Variants in SMARCAL1 observed in about 807,000 individuals in gnomAD.
SMARCAL1 encodes the protein SNF2 related chromatin remodeling annealing helicase 1.
Under a neutral mutation model 94.5 loss-of-function variants are expected in SMARCAL1, and 58 were observed. The ratio of observed to expected loss-of-function variants is 0.61; its 90% CI spans 0.50 to 0.76. SMARCAL1 has a LOEUF of 0.76. SMARCAL1 is among the 30% of genes least tolerant of loss of function. The probability of loss-of-function intolerance (pLI) is 0.00; values close to 1 mark genes in which losing one functional copy is unlikely to be tolerated. For synonymous variants in SMARCAL1, 422 were observed against 455.1 expected, an observed-to-expected ratio of 0.93 and a Z score of 0.93; for missense variants, 1,051 against 1,177.9, an observed-to-expected ratio of 0.89 and a Z score of 1.58.
chr2:216,478,124 C>T lies in SMARCAL1; in HGVS notation c.2529-79C>T. ...TAAACAAGCCGTTGTCCCATAAGAA[C>T]AAGGAGGGTGGCCTCATTTTCATTA... is the stretch of plus-strand genomic sequence containing the variant. On this transcript the variant is annotated intron_variant, in intron 16 of 17. Transcript: ENST00000357276. 6 of 1,105,870 alleles carry T rather than the reference C, an allele frequency of 5.4e-6. No homozygotes were observed. In the East Asian group the frequency reaches 1.4e-4, roughly 26 times the overall value. The allele number at this position is 1,105,870 out of a possible 1,614,324, so 68.5% of individuals were successfully genotyped here.
chr2:216,426,044 T>C (rs1693826296), intron 6 of SMARCAL1, among the ~76,000 whole-genome samples: 1 of 152,222 alleles, frequency 6.6e-6, no homozygotes, highest in African/African-American at 2.4e-5. Context: ...GTATTTTTAG[T>C]AGAGATGGGG....
chr2:216,424,923 A>T (rs1559124083), intron 6 of SMARCAL1, among the ~76,000 whole-genome samples: 1 of 151,650 alleles, frequency 6.6e-6, no homozygotes, highest in African/African-American at 2.4e-5. Context: ...CAAAATCTGA[A>T]TTTTTTTTTC....
intron 5 of SMARCAL1, among the ~76,000 whole-genome samples, chr2:216,421,939 A>T (rs898165587): frequency 6.6e-6 from 1 of 152,132 alleles, no homozygotes; most frequent in African/African-American, 2.4e-5. Context: ...AGATGGATGC[A>T]GTTTGGACTG....
Position 216,439,937 on chromosome 2 carries a change from C to T in SMARCAL1, c.1710+1452C>T, listed in dbSNP as rs191188489. Among the ~76,000 whole-genome samples the T allele has an allele frequency of 3.3e-5, 5 of 151,710 alleles. No individual in the cohort carries two copies. The East Asian group carries it at 9.7e-4, about 30-fold the overall frequency. ...ATGAGCCAGGCATGGTGGTGCACAC[C>T]AAGCTGAGGCAGGAGAATCGCTTGA... On this transcript the variant is annotated intron_variant, in intron 10 of 17. Coordinates refer to ENST00000357276, the MANE Select transcript of SMARCAL1 (RefSeq NM_014140.4).
At chr2:216,469,275 ATTTC>A (rs1291193601) in intron 14 of SMARCAL1, among the ~76,000 whole-genome samples, 2 of 131,476 alleles carry the variant, frequency 1.5e-5, no homozygotes, top group African/African-American at 5.7e-5. Context: ...TGTTTTAGAG[ATTTC>A]TTTTTTTTTT....
At chr2:216,448,698 G>A (rs570654548) in intron 11 of SMARCAL1, among the ~76,000 whole-genome samples, 14 of 152,126 alleles carry the variant, frequency 9.2e-5, no homozygotes, top group Admixed American at 1.3e-4. Context: ...CGCATGCAGC[G>A]GTACACACAT....
chr2:216,459,981 AT>A (rs1335926144), intron 12 of SMARCAL1, among the ~76,000 whole-genome samples: 1 of 152,192 alleles, frequency 6.6e-6, no homozygotes, highest in Non-Finnish European at 1.5e-5. Flanking sequence ...ACTCAAACAA[AT>A]TTGCAAGAAA....
chr2:216,431,362 A>G (rs142526242), intron 7 of SMARCAL1, among the ~76,000 whole-genome samples: 102 of 152,302 alleles, frequency 6.7e-4, no homozygotes, highest in African/African-American at 2.3e-3. Context: ...CAAATGATCT[A>G]TTTTTCAGAG....
rs927348044 is a variant in SMARCAL1 at position 216,415,929 on chromosome 2, A to G, written c.812-328A>G. The G allele has an allele frequency of 9.2e-5, 38 of 411,526 alleles. No homozygotes were observed. The Admixed American group carries it at 1.0e-3, about 11-fold the overall frequency. The allele number at this position is 411,526 out of a possible 1,614,324, so 25.5% of individuals were successfully genotyped here. A position where few individuals can be genotyped will look rare whatever the true frequency, so the allele number is the denominator to read the frequency against. On this transcript the variant is annotated intron_variant, in intron 3 of 17. Transcript: ENST00000357276. ...GCAGCGTCAGGATGTGACTAGCTCA[A>G]TTACAGGCCAGAGCCATTACTCCTC...
chr2:216,467,053 G>A (rs1442180385), intron 13 of SMARCAL1, among the ~76,000 whole-genome samples: 2 of 152,184 alleles, frequency 1.3e-5, no homozygotes, highest in Non-Finnish European at 2.9e-5. Context: ...TCTTCTTTGG[G>A]ATTGTGATCC....
intron 12 of SMARCAL1, among the ~76,000 whole-genome samples, chr2:216,464,145 A>G (rs1222798619): frequency 1.3e-5 from 2 of 152,250 alleles, no homozygotes; most frequent in Non-Finnish European, 2.9e-5. Flanking sequence ...AAGCTCTGTA[A>G]GTCAGGTATA....
At chr2:216,453,957 G>A (rs978152756) in intron 12 of SMARCAL1, among the ~76,000 whole-genome samples, 2 of 152,128 alleles carry the variant, frequency 1.3e-5, no homozygotes, top group African/African-American at 2.4e-5. Context: ...CTGAAATAAT[G>A]GATATCGCTT....
intron 9 of SMARCAL1, among the ~76,000 whole-genome samples, chr2:216,436,685 A>G (rs1694089110): frequency 6.6e-6 from 1 of 152,228 alleles, no homozygotes; most frequent in South Asian, 2.1e-4. Context: ...CATTCCAAGA[A>G]GTTTCCCAGG....
At chr2:216,424,631 T>C (rs1371215732) in intron 6 of SMARCAL1, among the ~76,000 whole-genome samples, 1 of 152,194 alleles carries the variant, frequency 6.6e-6, no homozygotes, top group Non-Finnish European at 1.5e-5. Context: ...TGACTTACTA[T>C]GTGACATTGG....
At position 216,451,300 on chromosome 2, in the gene SMARCAL1, A is replaced by G. The variant is rs1389129279; in HGVS notation, c.2070+236A>G. 9 of 527,248 alleles carry G rather than the reference A, an allele frequency of 1.7e-5. No individual in the cohort carries two copies. In the Admixed American group the frequency reaches 2.1e-4, roughly 12 times the overall value. 32.7% of individuals were successfully genotyped at this position (527,248 alleles called of 1,614,324 possible). On this transcript the variant is annotated intron_variant, in intron 12 of 17. Coordinates refer to ENST00000357276, the MANE Select transcript of SMARCAL1 (RefSeq NM_014140.4). ...TATAGATCGCTGTTGATGGATGGCC[A>G]TAAAGATAAGCACAGGCAACAGCAG... is the stretch of plus-strand genomic sequence containing the variant.
At chr2:216,421,859 C>A (rs1693728269) in intron 5 of SMARCAL1, among the ~76,000 whole-genome samples, 1 of 152,174 alleles carries the variant, frequency 6.6e-6, no homozygotes, top group South Asian at 2.1e-4. Context: ...GAATTGCTTG[C>A]TTAACAAGAG....
At chr2:216,457,048 C>G (rs897260173) in intron 12 of SMARCAL1, among the ~76,000 whole-genome samples, 7 of 152,178 alleles carry the variant, frequency 4.6e-5, no homozygotes, top group African/African-American at 1.4e-4. Flanking sequence ...CAATCCTAGT[C>G]TCTAATAAAA....
In SMARCAL1 at chr2:216,428,314, G is replaced by T. The variant is rs79653204; in HGVS notation, c.1148-282G>T. Among the ~76,000 whole-genome samples, 1,648 of 152,236 alleles carry T rather than the reference G, an allele frequency of 0.011. 26 individuals are homozygous for T. The highest frequency in any genetic ancestry group is 0.038 in the African/African-American group (1,576 of 41,532). ...TTCTGTTTCTCTATTGAATAAAGGG[G>T]TTTTTTCCCCTCTTTTTTGAAGTTT... On this transcript the variant is annotated intron_variant, in intron 6 of 17. Coordinates refer to ENST00000357276, the MANE Select transcript of SMARCAL1 (RefSeq NM_014140.4).
chr2:216,455,414 C>T (rs1447719741), intron 12 of SMARCAL1, among the ~76,000 whole-genome samples: 1 of 152,194 alleles, frequency 6.6e-6, no homozygotes, highest in Non-Finnish European at 1.5e-5. Context: ...CAAGTGGGTC[C>T]CTGACCCCTG....
Sources: gnomAD v4.1 joint callset for allele counts (sites outside exome capture counted in the v4.1 genomes callset) on GRCh38, gnomAD v4.1.1 for gene constraint, MANE v1.5 for transcripts, NCBI Gene and HGNC (gene_info 2026-07-23, HGNC 2026-07-21) for gene names.